The following CHD5 variants were observed in gnomAD, a reference collection of about 807,000 sequenced individuals.
The protein encoded by CHD5 is chromodomain helicase DNA binding protein 5, also known as ATP-dependent chromatin remodeler CHD5.
CHD5 carries 69 observed loss-of-function variants against 230.3 expected under a neutral mutation model. The ratio of observed to expected loss-of-function variants is 0.30; its 90% CI spans 0.25 to 0.37. The LOEUF (loss-of-function observed/expected upper bound fraction) is 0.37. Ranked by LOEUF, CHD5 falls within the 10% of genes least tolerant of loss-of-function variation. CHD5 has a pLI of 1.00. For synonymous variants in CHD5, 1,064 were observed against 1,065.9 expected (o/e 1.00, Z 0.03); for missense variants, 1,827 against 2,622.8 (o/e 0.70, Z 6.63).
Position 6,109,800 on chromosome 1 carries a change from T to C in CHD5, c.5573A>G (p.His1858Arg). 1 of 1,612,148 alleles carries C rather than the reference T, an allele frequency of 6.2e-7. No homozygotes were observed. Among genetic ancestry groups the C allele is most frequent in the Non-Finnish European group, 8.5e-7 (1 of 1,179,436 alleles). Residue 1858 changes from histidine to arginine, a missense_variant, in exon 38 of 42, where the codon CAC becomes CGC. Coordinates refer to ENST00000262450, the MANE Select transcript of CHD5 (RefSeq NM_015557.3). The part of the protein sequence containing the change: ...AGNKPANAVL[H>R]KVLNQLEELL... ...GGGGGGCAGGACTTGCTCACCCTTG[T>C]GCAGGACGGCATTGGCAGGCTTGTT... is the stretch of plus-strand genomic sequence containing the variant.
Position 6,128,285 on chromosome 1 carries a change from C to A in CHD5, c.3731-67G>T. The A allele has an allele frequency of 9.2e-6, 14 of 1,515,332 alleles. No individual in the cohort carries two copies. Among genetic ancestry groups the A allele is most frequent in the Non-Finnish European group, 1.3e-5 (14 of 1,105,304 alleles). 93.9% of individuals were successfully genotyped at this position (1,515,332 alleles called of 1,614,324 possible). On this transcript the variant is annotated intron_variant, in intron 24 of 41. Transcript: ENST00000262450. This position sits in a 1 kb window ranked among gnomAD's most constrained non-coding sequence, Gnocchi z 7.8. ...TGGTCCAGCCCCGGGGTCCCAGGAA[C>A]AGACTCCCAACAATGGCCCTTCCCA...
Position 6,155,036 on chromosome 1 carries a change from C to A in CHD5, c.507-138G>T. 1.2e-6 allele frequency: 1 copy of A among 814,956 alleles called. No homozygotes were observed. The highest frequency in any genetic ancestry group is 1.9e-6 in the Non-Finnish European group (1 of 530,266). 50.5% of individuals were successfully genotyped at this position (814,956 alleles called of 1,614,324 possible). On this transcript the variant is annotated intron_variant, in intron 4 of 41. Transcript: ENST00000262450. The surrounding 1 kb of genome is among the most constrained non-coding windows in gnomAD (Gnocchi z 4.0). Reference sequence around the variant, plus strand: ...CAGGTTCCTGATTAGAGAGATTAGGCGGGAAACCCACTGACCACAGCCCAC... The same window carrying A: ...CAGGTTCCTGATTAGAGAGATTAGGAGGGAAACCCACTGACCACAGCCCAC...
chr1:6,137,350 G>A (rs536333299), intron 15 of CHD5, among the ~76,000 whole-genome samples: 38 of 152,224 alleles, frequency 2.5e-4, no homozygotes, highest in Non-Finnish European at 4.3e-4. Flanking sequence ...CAAGTGAACC[G>A]CCCACCTCGA....
chr1:6,121,276 C>T lies in CHD5; in HGVS notation c.4780-39G>A, dbSNP rs756823478. The T allele has an allele frequency of 1.3e-6, 2 of 1,590,210 alleles. No homozygotes were observed. Among genetic ancestry groups the T allele is most frequent in the South Asian group, 1.1e-5 (1 of 87,522 alleles). ...GCCAGGAGAACTACAAGGCCTGGGG[C>T]CTCACCAGGAACGGAGGGCGGGGAA... On this transcript the variant is annotated intron_variant, in intron 32 of 41. Transcript: ENST00000262450. The surrounding 1 kb of genome is among the most constrained non-coding windows in gnomAD (Gnocchi z 4.5).
At chr1:6,109,664 AGTCCACCGCCCTCTGG>A (rs1666253524) in intron 38 of CHD5, 115 bp downstream of exon 38, 1 of 757,250 alleles carries the variant, frequency 1.3e-6, no homozygotes, top group African/African-American at 1.8e-5. Context: ...TTGGCCCAGA[AGTCCACCGCCCTCTGG>A]GCTGACATCT....
In CHD5 at chr1:6,168,152, C is replaced by T. The variant is rs748119660; in HGVS notation, c.205G>A (p.Glu69Lys). Reference protein sequence around the residue: ...NKCKGKRKKKEGSNDELSENE... With the variant: ...NKCKGKRKKKKGSNDELSENE... ...CCGGCGCAGGTGCTGCCCCTCACCT[C>T]TTTCTTCTTCCGCTTCCCTTTACAC... is the stretch of plus-strand genomic sequence containing the variant. Residue 69 changes from glutamate (E) to lysine (K), a missense_variant and splice_region_variant, in exon 2 of 42, where the codon GAG (glutamate) becomes AAG (lysine). Coordinates refer to ENST00000262450, the MANE Select transcript of CHD5 (RefSeq NM_015557.3). The T allele has an allele frequency of 1.2e-6, 2 of 1,603,908 alleles. No individual in the cohort carries two copies. The highest frequency in any genetic ancestry group is 1.7e-6 in the Non-Finnish European group (2 of 1,172,312).
At chr1:6,114,456 A>C (rs1666343464) in intron 33 of CHD5, among the ~76,000 whole-genome samples, 1 of 151,958 alleles carries the variant, frequency 6.6e-6, no homozygotes, top group Non-Finnish European at 1.5e-5. Context: ...CCACACATAA[A>C]ATACACTAAA....
intron 1 of CHD5, among the ~76,000 whole-genome samples, chr1:6,174,726 T>C (rs1387543630): frequency 6.8e-6 from 1 of 146,304 alleles, no homozygotes; most frequent in Non-Finnish European, 1.5e-5. Context: ...GGATGGATGG[T>C]GAATAAGTGG....
At chr1:6,161,844 C>A (rs927068931) in intron 2 of CHD5, among the ~76,000 whole-genome samples, 1 of 152,178 alleles carries the variant, frequency 6.6e-6, no homozygotes, top group Non-Finnish European at 1.5e-5. Context: ...CTGGGGCTGG[C>A]CGGAGGAAGG....
At chr1:6,110,356 C>T (rs756462406) in intron 37 of CHD5, 38 bp downstream of exon 37, 4 of 1,576,550 alleles carry the variant, frequency 2.5e-6, no homozygotes, top group Non-Finnish European at 3.4e-6. Context: ...CACCGTCCCT[C>T]CCTGCCCCGT....
intron 1 of CHD5, among the ~76,000 whole-genome samples, chr1:6,179,545 G>A (rs1016423357): frequency 1.3e-5 from 2 of 151,560 alleles, no homozygotes; most frequent in African/African-American, 2.4e-5. Flanking sequence ...CGAGGCCAGA[G>A]GCGCACGGCG....
intron 36 of CHD5, among the ~76,000 whole-genome samples, chr1:6,111,167 T>C (rs1181104370): frequency 6.7e-6 from 1 of 150,094 alleles, no homozygotes; most frequent in African/African-American, 2.5e-5. Flanking sequence ...GAGGCAGAGG[T>C]TGCAGTGAGC....
Position 6,142,338 on chromosome 1 carries a change from G to A in CHD5, c.2236-10C>T. On this transcript the variant is annotated splice_polypyrimidine_tract_variant and intron_variant, in intron 14 of 41. Transcript: ENST00000262450. This position sits in a 1 kb window ranked among gnomAD's most constrained non-coding sequence, Gnocchi z 5.2. ...GCCCTTTGGAGTGGCCCTGGAGAGA[G>A]AGGCCGATGCCGTGAGACCACCTGC... 6.2e-7 allele frequency: 1 copy of A among 1,600,148 alleles called. No individual in the cohort carries two copies. Among genetic ancestry groups the A allele is most frequent in the African/African-American group, 1.3e-5 (1 of 74,736 alleles).
In CHD5 at chr1:6,128,676, C is replaced by A. The variant is rs1409354524; in HGVS notation, c.3620-67G>T. On this transcript the variant is annotated intron_variant, in intron 23 of 41. Transcript: ENST00000262450. The surrounding 1 kb of genome is among the most constrained non-coding windows in gnomAD (Gnocchi z 7.8). ...GGGCTGCAGGGTTGGCGGGCAGTGC[C>A]CAGAGACACCACCCTGGGCTGTCCT... The A allele has an allele frequency of 2.9e-6, 4 of 1,377,934 alleles. No individual in the cohort carries two copies. Among genetic ancestry groups the A allele is most frequent in the Non-Finnish European group, 4.1e-6 (4 of 974,202 alleles). 85.4% of individuals were successfully genotyped at this position (1,377,934 alleles called of 1,614,324 possible).
chr1:6,151,472 A>C (rs1043029558), intron 6 of CHD5, among the ~76,000 whole-genome samples: 28 of 152,078 alleles, frequency 1.8e-4, no homozygotes, highest in African/African-American at 6.5e-4. Flanking sequence ...CCCTAGGGAC[A>C]CCTCCTCCAA....
chr1:6,127,977 G>A, intron 25 of CHD5, 69 bp downstream of exon 25: 1 of 1,339,362 alleles, frequency 7.5e-7, no homozygotes, highest in Non-Finnish European at 1.0e-6. Context: ...GGAAGGCGTG[G>A]ACACAGTGGG....
In CHD5 at chr1:6,131,814, G is replaced by C; in HGVS notation, c.3145-66C>G. The C allele has an allele frequency of 1.0e-6, 1 of 983,932 alleles. No individual in the cohort carries two copies. 61.0% of individuals were successfully genotyped at this position (983,932 alleles called of 1,614,324 possible). A position where few individuals can be genotyped will look rare whatever the true frequency, so the allele number is the denominator to read the frequency against. ...AGGGGCCCCATGGGCCATGGGCGGGGACCCCGCCACAGGCAGGGGAGGAGA... is the reference window on the plus strand; with the variant it reads ...AGGGGCCCCATGGGCCATGGGCGGGCACCCCGCCACAGGCAGGGGAGGAGA... On this transcript the variant is annotated intron_variant, in intron 20 of 41. Coordinates refer to ENST00000262450, the MANE Select transcript of CHD5 (RefSeq NM_015557.3). The surrounding 1 kb of genome is among the most constrained non-coding windows in gnomAD (Gnocchi z 5.0).
At chr1:6,170,574 C>G (rs916772665) in intron 1 of CHD5, among the ~76,000 whole-genome samples, 1 of 152,248 alleles carries the variant, frequency 6.6e-6, no homozygotes, top group Non-Finnish European at 1.5e-5. Flanking sequence ...GGGCCTCCCT[C>G]AAGGGTGGCC....
intron 1 of CHD5, among the ~76,000 whole-genome samples, chr1:6,168,650 G>A (rs143111851): frequency 1.3e-5 from 2 of 152,370 alleles, no homozygotes; most frequent in African/African-American, 4.8e-5. Context: ...GGCTGATAGA[G>A]CAGAGTACAG....
Sources: allele counts gnomAD v4.1 joint callset (sites outside exome capture counted in the v4.1 genomes callset), GRCh38; gene constraint gnomAD v4.1.1; non-coding constraint Gnocchi (gnomAD v3.1); transcripts MANE v1.5; gene names NCBI Gene and HGNC (gene_info 2026-07-23, HGNC 2026-07-21).